HDDC2: variants seen among roughly 807,000 people sequenced by gnomAD.
HDDC2 encodes 5'-deoxynucleotidase HDDC2.
HDDC2 carries 25 observed loss-of-function variants against 25.5 expected under a neutral mutation model. That is an observed-to-expected ratio of 0.98 (90% CI 0.72 to 1.37). HDDC2 has a LOEUF of 1.37. HDDC2 is among the 40% of genes most tolerant of loss of function. The pLI is 0.00. For missense variants in HDDC2, 264 were observed against 253.1 expected, an observed-to-expected ratio of 1.04 and a Z score of -0.29; for synonymous variants, 106 against 89.7, an observed-to-expected ratio of 1.18 and a Z score of -1.03.
rs1798610616 is a variant in HDDC2 at position 125,290,304 on chromosome 6, T to C, written c.378+2537A>G. Among the ~76,000 whole-genome samples the C allele has an allele frequency of 5.9e-5, 9 of 152,202 alleles. No homozygotes were observed. The South Asian group carries it at 1.9e-3, about 32-fold the overall frequency. The stretch of plus-strand genomic sequence containing the variant: ...TACAACCCTATAATTATTGCCATTT[T>C]ACAGATGAGGAAATTGAGGCACAGA... On this transcript the variant is annotated intron_variant, in intron 4 of 5. Coordinates refer to ENST00000398153, the MANE Select transcript of HDDC2 (RefSeq NM_016063.3).
At chr6:125,284,008 A>C (rs908833258) in intron 4 of HDDC2, among the ~76,000 whole-genome samples, 8 of 152,118 alleles carry the variant, frequency 5.3e-5, no homozygotes, top group African/African-American at 1.7e-4. Context: ...CAGAAATAAC[A>C]ACACACACAC....
intron 4 of HDDC2, among the ~76,000 whole-genome samples, chr6:125,283,609 G>A (rs2115104252): frequency 6.6e-6 from 1 of 152,180 alleles, no homozygotes; most frequent in East Asian, 1.9e-4. Flanking sequence ...TAACTTACAA[G>A]GAATGTGAAG....
chr6:125,275,933 T>A lies in HDDC2; in HGVS notation c.*213A>T. ...TAGTTCATAAACAGGCACTGCCACC[T>A]CCAGTGTTCATCCATGGCACTTTCA... On this transcript the variant is annotated 3_prime_UTR_variant, in exon 6 of 6. Transcript: ENST00000398153. 1 of 552,252 alleles carries A rather than the reference T, an allele frequency of 1.8e-6. No individual in the cohort carries two copies. The highest frequency in any genetic ancestry group is 3.2e-6 in the Non-Finnish European group (1 of 313,026). 34.2% of individuals were successfully genotyped at this position (552,252 alleles called of 1,614,324 possible). A position where few individuals can be genotyped will look rare whatever the true frequency, so the allele number is the denominator to read the frequency against.
intron 4 of HDDC2, among the ~76,000 whole-genome samples, chr6:125,290,517 G>A (rs1331534247): frequency 6.6e-6 from 1 of 152,220 alleles, no homozygotes; most frequent in Admixed American, 6.5e-5. Context: ...AATGTGACCT[G>A]TGAATGTGAC....
intron 5 of HDDC2, 105 bp from the exon 6 acceptor site, chr6:125,276,348 T>C: frequency 1.2e-6 from 1 of 805,102 alleles, no homozygotes; most frequent in Non-Finnish European, 2.1e-6. Context: ...TAGTCTACGA[T>C]CTGACCCACA....
intron 4 of HDDC2, among the ~76,000 whole-genome samples, chr6:125,280,432 G>A (rs1311736534): frequency 6.6e-6 from 1 of 152,200 alleles, no homozygotes; most frequent in Non-Finnish European, 1.5e-5. Flanking sequence ...AGGGAGCCAA[G>A]TGGTCTTGAT....
At chr6:125,277,307 G>C (rs1044693194) in intron 4 of HDDC2, 67 bp from the exon 5 acceptor site, 1 of 1,499,674 alleles carries the variant, frequency 6.7e-7, no homozygotes, top group Non-Finnish European at 9.2e-7. Context: ...GGAAAATTCT[G>C]ACTCTGGTAC....
chr6:125,282,068 G>A (rs1335664501), intron 4 of HDDC2, among the ~76,000 whole-genome samples: 1 of 152,112 alleles, frequency 6.6e-6, no homozygotes, highest in Non-Finnish European at 1.5e-5. Context: ...AAAAAGGGCT[G>A]GGCACGGTGG....
At chr6:125,299,355 C>G (rs1402446962) in intron 2 of HDDC2, among the ~76,000 whole-genome samples, 1 of 152,168 alleles carries the variant, frequency 6.6e-6, no homozygotes, top group Non-Finnish European at 1.5e-5. Flanking sequence ...TGCACTCCAG[C>G]CTGGGCGACA....
Position 125,301,909 on chromosome 6 carries a change from G to A in HDDC2, c.24C>T (p.Thr8=), listed in dbSNP as rs376734214. Residue 8 remains threonine, a synonymous_variant, in exon 1 of 6, where the codon ACC becomes ACT. Coordinates refer to ENST00000398153, the MANE Select transcript of HDDC2 (RefSeq NM_016063.3). ...GGGACCGAGCCCCGTGGCCCGAGAA[G>A]GTCGCAGAGGAGACCGAAGCCATGC... The part of the protein sequence containing the change: MASVSSA[T]FSGHGARSLL... 47 of 1,551,888 alleles carry A rather than the reference G, an allele frequency of 3.0e-5. No individual in the cohort carries two copies. The African/African-American group carries it at 5.7e-4, about 19-fold the overall frequency.
chr6:125,301,262 A>G (rs540790054), intron 1 of HDDC2, among the ~76,000 whole-genome samples: 5 of 152,286 alleles, frequency 3.3e-5, no homozygotes, highest in Admixed American at 3.3e-4. Context: ...TGGGAGAGAG[A>G]CGGGGAAGAC....
At chr6:125,299,347 C>A (rs1022093809) in intron 2 of HDDC2, among the ~76,000 whole-genome samples, 11 of 152,266 alleles carry the variant, frequency 7.2e-5, no homozygotes, top group South Asian at 2.1e-4. Context: ...TGCACCACTG[C>A]ACTCCAGCCT....
rs1248556935 is a variant in HDDC2 at position 125,276,904 on chromosome 6, A to T, written c.517+198T>A. 3 of 583,326 alleles carry T rather than the reference A, an allele frequency of 5.1e-6. No homozygotes were observed. The East Asian group carries it at 8.7e-5, about 17-fold the overall frequency. 36.1% of individuals were successfully genotyped at this position (583,326 alleles called of 1,614,324 possible). ...CTGTGTCTGTTGTTGCTTACTGTTC[A>T]TTCCACATTAAACTCTATTCCATTT... On this transcript the variant is annotated intron_variant, in intron 5 of 5. Transcript: ENST00000398153.
intron 3 of HDDC2, among the ~76,000 whole-genome samples, chr6:125,293,756 T>C (rs1282027668): frequency 6.6e-6 from 1 of 152,168 alleles, no homozygotes; most frequent in Non-Finnish European, 1.5e-5. Flanking sequence ...GTGACCCCGC[T>C]GGGCTGGACT....
chr6:125,289,491 A>AC (rs1422250528), intron 4 of HDDC2, among the ~76,000 whole-genome samples: 2 of 140,160 alleles, frequency 1.4e-5, no homozygotes, highest in Non-Finnish European at 3.0e-5. Context: ...TAAAAAAAAA[A>AC]AAATTAAAAA....
In HDDC2 at chr6:125,277,163, A is replaced by C; in HGVS notation, c.456T>G (p.Ser152=). The part of the protein sequence containing the change: ...LDQCEMILQA[S]EYEDLEHKPG... ...GTTTGTGTTCAAGGTCTTCATATTC[A>C]GATGCTTGAAGAATCATTTCACATT... The change falls in exon 5 of 6, where the codon TCT becomes TCG. Residue 152 remains serine (S), a synonymous_variant. Transcript: ENST00000398153. The C allele has an allele frequency of 1.9e-6, 3 of 1,614,066 alleles. No individual in the cohort carries two copies. Among genetic ancestry groups the C allele is most frequent in the Non-Finnish European group, 2.5e-6 (3 of 1,179,928 alleles).
chr6:125,283,546 T>C (rs1798490718), intron 4 of HDDC2, among the ~76,000 whole-genome samples: 1 of 152,164 alleles, frequency 6.6e-6, no homozygotes, highest in African/African-American at 2.4e-5. Context: ...AGCCAAATCA[T>C]GAGCAAACTC....
chr6:125,292,197 A>G (rs938256734), intron 4 of HDDC2, among the ~76,000 whole-genome samples: 1 of 152,184 alleles, frequency 6.6e-6, no homozygotes, highest in African/African-American at 2.4e-5. Context: ...GAAGAGAGAA[A>G]CTGTAATTGG....
At position 125,298,737 on chromosome 6, in the gene HDDC2, C is replaced by G. The variant is rs1006231691; in HGVS notation, c.286G>C (p.Glu96Gln). The change falls in exon 3 of 6, where the codon GAA becomes CAA. Residue 96 changes from glutamate to glutamine, a missense_variant. Transcript: ENST00000398153. ...DIAPADNIPK[E>Q]EKHRREEEAM... is the part of the protein sequence containing the mutation. ...ACCTCTTCTCGCCTATGTTTTTCTTCTTTGGGGATGTTATCTGCTGGTGCT... is the reference window on the plus strand; with the variant it reads ...ACCTCTTCTCGCCTATGTTTTTCTTGTTTGGGGATGTTATCTGCTGGTGCT... The G allele has an allele frequency of 3.1e-6, 5 of 1,613,964 alleles. No homozygotes were observed. Among genetic ancestry groups the G allele is most frequent in the Non-Finnish European group, 4.2e-6 (5 of 1,179,974 alleles).
Sources: gnomAD v4.1 joint callset for allele counts (sites outside exome capture counted in the v4.1 genomes callset) on GRCh38, gnomAD v4.1.1 for gene constraint, MANE v1.5 for transcripts, NCBI Gene and HGNC (gene_info 2026-07-23, HGNC 2026-07-21) for gene names.